MSI2: variants seen among roughly 807,000 people sequenced by gnomAD.
MSI2 encodes musashi RNA binding protein 2.
MSI2 carries 17 observed loss-of-function variants against 45.6 expected under a neutral mutation model. The observed-to-expected ratio is 0.37, with a 90% CI of 0.26 to 0.56. The LOEUF (loss-of-function observed/expected upper bound fraction) is 0.56. MSI2 is among the 20% of genes least tolerant of loss of function. The pLI, the probability that MSI2 is intolerant of heterozygous loss-of-function variation, is 0.77. For missense variants in MSI2, 293 were observed against 444.2 expected, an observed-to-expected ratio of 0.66 and a Z score of 3.06; for synonymous variants, 156 against 158.2, an observed-to-expected ratio of 0.99 and a Z score of 0.11.
intron 6 of MSI2, among the ~76,000 whole-genome samples, chr17:57,442,730 T>C (rs2028627): frequency 0.3 from 45,667 of 152,040 alleles, 7,100 homozygotes; most frequent in South Asian, 0.35. Flanking sequence ...AGGGAGGCGG[T>C]GCTGGCCTGG....
At chr17:57,345,724 C>A (rs1424881049) in intron 5 of MSI2, among the ~76,000 whole-genome samples, 2 of 149,726 alleles carry the variant, frequency 1.3e-5, no homozygotes, top group South Asian at 4.2e-4. Flanking sequence ...GAGGCTAAGG[C>A]AGGAGAATCG....
intron 7 of MSI2, among the ~76,000 whole-genome samples, chr17:57,565,356 C>G (rs1033338269): frequency 7.2e-5 from 11 of 152,222 alleles, no homozygotes; most frequent in Non-Finnish European, 1.3e-4. Context: ...CTTGAGTCAC[C>G]TGATCCTGCC....
intron 8 of MSI2, among the ~76,000 whole-genome samples, chr17:57,606,901 G>A (rs776831918): frequency 6.6e-6 from 1 of 151,926 alleles, no homozygotes; most frequent in Non-Finnish European, 1.5e-5. Flanking sequence ...GTGATGGGGG[G>A]GGGTGGCTGG....
At position 57,595,936 on chromosome 17, in the gene MSI2, A is replaced by C. The variant is rs528341112; in HGVS notation, c.455-932A>C. The stretch of plus-strand genomic sequence containing the variant: ...AGATGCACAGTGAGAAGTGGAAGCC[A>C]GGTCTCAGTCTCCCCATCAGTGTGT... On this transcript the variant is annotated intron_variant, in intron 7 of 13. Transcript: ENST00000284073. Among the ~76,000 whole-genome samples the C allele has an allele frequency of 4.6e-5, 7 of 152,340 alleles. No individual in the cohort carries two copies. The South Asian group carries it at 1.2e-3, about 27-fold the overall frequency.
At chr17:57,504,791 G>A (rs1262188063) in intron 6 of MSI2, among the ~76,000 whole-genome samples, 1 of 152,054 alleles carries the variant, frequency 6.6e-6, no homozygotes, top group Non-Finnish European at 1.5e-5. Context: ...AATTAGCCGG[G>A]CAGGTGGCAG....
At chr17:57,497,028 A>G (rs1314333653) in intron 6 of MSI2, among the ~76,000 whole-genome samples, 1 of 152,078 alleles carries the variant, frequency 6.6e-6, no homozygotes. Context: ...CCCAGGCTGG[A>G]GTGCGATGGT....
chr17:57,572,358 C>T (rs1201482899), intron 7 of MSI2, among the ~76,000 whole-genome samples: 1 of 152,190 alleles, frequency 6.6e-6, no homozygotes, highest in Admixed American at 6.5e-5. Context: ...TGAGGACTTG[C>T]CATAGAAGCC....
chr17:57,373,739 C>T (rs2083453904), intron 5 of MSI2, among the ~76,000 whole-genome samples: 1 of 152,226 alleles, frequency 6.6e-6, no homozygotes, highest in African/African-American at 2.4e-5. Flanking sequence ...ATCCGAAGGC[C>T]TCCATGGCTG....
intron 5 of MSI2, among the ~76,000 whole-genome samples, chr17:57,356,562 C>G (rs554563973): frequency 6.6e-6 from 1 of 152,308 alleles, no homozygotes; most frequent in South Asian, 2.1e-4. Flanking sequence ...ATGCATTGCT[C>G]TGTAATGCCT....
intron 5 of MSI2, among the ~76,000 whole-genome samples, chr17:57,282,761 G>A (rs1003280127): frequency 1.5e-5 from 2 of 137,150 alleles, no homozygotes; most frequent in Admixed American, 8.1e-5. Flanking sequence ...TTTTACCTCC[G>A]TGACAAGATA....
In MSI2 at chr17:57,574,830, T is replaced by C. The variant is rs868539436; in HGVS notation, c.455-22038T>C. ...CAAATTCTGCATTCTCTCTCTCTCT[T>C]TTTTTTTTTTTTTTTTTTGAGACGG... On this transcript the variant is annotated intron_variant, in intron 7 of 13. Coordinates refer to ENST00000284073, the MANE Select transcript of MSI2 (RefSeq NM_138962.4). Among the ~76,000 whole-genome samples the C allele has an allele frequency of 4.6e-3, 507 of 109,686 alleles. 2 individuals carry two copies. Among genetic ancestry groups the C allele is most frequent in the African/African-American group, 0.014 (448 of 30,974 alleles). 72.0% of individuals were successfully genotyped at this position (109,686 alleles called of 152,430 possible).
chr17:57,664,863 T>TA (rs1912251026), intron 11 of MSI2, among the ~76,000 whole-genome samples: 1 of 152,204 alleles, frequency 6.6e-6, no homozygotes, highest in Non-Finnish European at 1.5e-5. Context: ...CTGCTGTTCC[T>TA]AATAGGAACT....
intron 5 of MSI2, among the ~76,000 whole-genome samples, chr17:57,346,632 A>G (rs894417008): frequency 6.6e-6 from 1 of 151,876 alleles, no homozygotes; most frequent in Non-Finnish European, 1.5e-5. Context: ...TTTTTTTTAG[A>G]CAGGGTCTCA....
At chr17:57,352,266 A>T (rs914574331) in intron 5 of MSI2, among the ~76,000 whole-genome samples, 2 of 152,362 alleles carry the variant, frequency 1.3e-5, no homozygotes, top group Non-Finnish European at 1.5e-5. Flanking sequence ...GTCTTGGGCT[A>T]CCATCTCTGT....
intron 7 of MSI2, among the ~76,000 whole-genome samples, chr17:57,535,980 G>A (rs1356844912): frequency 6.6e-6 from 1 of 152,166 alleles, no homozygotes; most frequent in Non-Finnish European, 1.5e-5. Context: ...ATACCTGCCA[G>A]ACACTCACTT....
chr17:57,435,415 T>A (rs1174182042), intron 6 of MSI2, among the ~76,000 whole-genome samples: 2 of 152,132 alleles, frequency 1.3e-5, no homozygotes, highest in East Asian at 3.9e-4. Flanking sequence ...AAGTTTGAAT[T>A]TTCTTCCAAG....
intron 8 of MSI2, among the ~76,000 whole-genome samples, chr17:57,612,538 C>T (rs1281425202): frequency 1.3e-5 from 2 of 150,948 alleles, no homozygotes; most frequent in African/African-American, 4.9e-5. Flanking sequence ...AGAGTGTATG[C>T]GCCATGGCCC....
chr17:57,313,771 G>C (rs1443920663), intron 5 of MSI2, among the ~76,000 whole-genome samples: 1 of 152,234 alleles, frequency 6.6e-6, no homozygotes, highest in Non-Finnish European at 1.5e-5. Flanking sequence ...ACAGAGACAG[G>C]TGAGACAGGG....
At chr17:57,284,008 C>T (rs1216248844) in intron 5 of MSI2, among the ~76,000 whole-genome samples, 1 of 152,194 alleles carries the variant, frequency 6.6e-6, no homozygotes, top group Non-Finnish European at 1.5e-5. Context: ...CACAAATAGT[C>T]AACTTCAGGC....
Sources: gnomAD v4.1 joint callset for allele counts (sites outside exome capture counted in the v4.1 genomes callset) on GRCh38, gnomAD v4.1.1 for gene constraint, MANE v1.5 for transcripts, NCBI Gene and HGNC (gene_info 2026-07-23, HGNC 2026-07-21) for gene names.